KIRREL3: variants seen among roughly 807,000 people sequenced by gnomAD.
KIRREL3 encodes kin of IRRE-like protein 3.
KIRREL3 carries 36 observed loss-of-function variants against 89.7 expected under a neutral mutation model. The observed-to-expected ratio is 0.40, with a 90% CI of 0.31 to 0.53. The LOEUF is 0.53. Among genes scored for constraint, KIRREL3 ranks in the 20% least tolerant of loss-of-function variants. The pLI, the probability that KIRREL3 is intolerant of heterozygous loss-of-function variation, is 0.49. For synonymous variants in KIRREL3, 445 were observed against 441.4 expected (o/e 1.01, Z -0.10); for missense variants, 864 against 1,056.6 (o/e 0.82, Z 2.53).
chr11:126,467,341 TAC>T (rs927260652), intron 5 of KIRREL3, among the ~76,000 whole-genome samples: 1 of 152,192 alleles, frequency 6.6e-6, no homozygotes, highest in Non-Finnish European at 1.5e-5. Context: ...GGTATGGTTG[TAC>T]ACAGTGTACC....
At chr11:126,695,938 C>T (rs1947074723) in intron 1 of KIRREL3, among the ~76,000 whole-genome samples, 1 of 152,136 alleles carries the variant, frequency 6.6e-6, no homozygotes. Context: ...GACACTGCTG[C>T]CTCCTCATAT....
In KIRREL3 at chr11:126,443,435, T is replaced by C. The variant is rs1405810356; in HGVS notation, c.1252+1544A>G. ...GATCAGATGCTGTTATTTTTAGCCC[T>C]GCAGTGCCAATTTATTGGTGGCATC... On this transcript the variant is annotated intron_variant, in intron 10 of 16. Coordinates refer to ENST00000525144, the MANE Select transcript of KIRREL3 (RefSeq NM_032531.4). The surrounding 1 kb of genome is among the most constrained non-coding windows in gnomAD (Gnocchi z 7.3). 6.6e-6 allele frequency among the ~76,000 whole-genome samples: 1 copy of C among 152,178 alleles called. No homozygotes were observed. Among genetic ancestry groups the C allele is most frequent in the Non-Finnish European group, 1.5e-5 (1 of 68,032 alleles).
rs1946630081 is a variant in KIRREL3, at chr11:126,685,438, C to A, written c.56-122526G>T. Among the ~76,000 whole-genome samples, 1 of 152,206 alleles carries A rather than the reference C, an allele frequency of 6.6e-6. No individual in the cohort carries two copies. The highest frequency in any genetic ancestry group is 1.5e-5 in the Non-Finnish European group (1 of 68,044). On this transcript the variant is annotated intron_variant, in intron 1 of 16. Transcript: ENST00000525144. This position sits in a 1 kb window ranked among gnomAD's most constrained non-coding sequence, Gnocchi z 5.5. Reference sequence around the variant, plus strand: ...AGCGGGATTTCTCAGACACTGCTAACTTCCCACCTCCACACAAGCTGATGA... The same window carrying A: ...AGCGGGATTTCTCAGACACTGCTAAATTCCCACCTCCACACAAGCTGATGA...
intron 1 of KIRREL3, among the ~76,000 whole-genome samples, chr11:126,961,198 T>C (rs2135181640): frequency 6.6e-6 from 1 of 152,310 alleles, no homozygotes; most frequent in Middle Eastern, 3.4e-3. Flanking sequence ...AAGAGTCGCA[T>C]GTCTGTCCCT....
chr11:126,885,737 G>T (rs1945670328), intron 1 of KIRREL3, among the ~76,000 whole-genome samples: 1 of 152,192 alleles, frequency 6.6e-6, no homozygotes, highest in Non-Finnish European at 1.5e-5. Flanking sequence ...GAGGGCAGCA[G>T]GCTGGCTCCC....
intron 5 of KIRREL3, among the ~76,000 whole-genome samples, chr11:126,468,139 T>C (rs575684343): frequency 6.6e-6 from 1 of 152,302 alleles, no homozygotes; most frequent in African/African-American, 2.4e-5. Flanking sequence ...GGGTTCTTTC[T>C]GGGCTCAGCC....
At chr11:126,878,931 C>T (rs1347913831) in intron 1 of KIRREL3, among the ~76,000 whole-genome samples, 4 of 152,132 alleles carry the variant, frequency 2.6e-5, no homozygotes, top group African/African-American at 9.7e-5. Flanking sequence ...TGAGACATCC[C>T]TAACAGGGCT....
intron 2 of KIRREL3, among the ~76,000 whole-genome samples, chr11:126,552,631 G>A (rs189334480): frequency 3.3e-4 from 42 of 125,630 alleles, no homozygotes; most frequent in East Asian, 2.7e-3. Context: ...GCACAATCTC[G>A]GCTCACTGAA....
chr11:126,979,408 C>A (rs1949664076), intron 1 of KIRREL3, among the ~76,000 whole-genome samples: 1 of 152,162 alleles, frequency 6.6e-6, no homozygotes, highest in African/African-American at 2.4e-5. Flanking sequence ...TAACAGCTAC[C>A]TTATCAACTT....
chr11:126,451,271 C>CGTGTGCAT (rs1281335234), intron 7 of KIRREL3, among the ~76,000 whole-genome samples: 1 of 92,302 alleles, frequency 1.1e-5, no homozygotes, highest in African/African-American at 4.5e-5. Context: ...CTTGTGTGTC[C>CGTGTGCAT]GTGTGCATGT....
chr11:126,795,413 A>G lies in KIRREL3; in HGVS notation c.55+205042T>C, dbSNP rs1950776118. 6.6e-6 allele frequency among the ~76,000 whole-genome samples: 1 copy of G among 152,186 alleles called. No individual in the cohort carries two copies. The highest frequency in any genetic ancestry group is 2.4e-5 in the African/African-American group (1 of 41,446). ...GAGACAGAGTCTCAGTCTGTGACCC[A>G]GCCTGGAGTGCAGTGGCGTGATCTC... On this transcript the variant is annotated intron_variant, in intron 1 of 16. Transcript: ENST00000525144. The surrounding 1 kb of genome is among the most constrained non-coding windows in gnomAD (Gnocchi z 4.1).
chr11:126,587,859 T>C lies in KIRREL3; in HGVS notation c.56-24947A>G, dbSNP rs1355441794. ...CATCTATCTTTTCACTTCTTTTTAGTTTTCATGAGAGTGAGTGAATGCAAG... is the reference window on the plus strand; with the variant it reads ...CATCTATCTTTTCACTTCTTTTTAGCTTTCATGAGAGTGAGTGAATGCAAG... On this transcript the variant is annotated intron_variant, in intron 1 of 16. Coordinates refer to ENST00000525144, the MANE Select transcript of KIRREL3 (RefSeq NM_032531.4). This position sits in a 1 kb window ranked among gnomAD's most constrained non-coding sequence, Gnocchi z 5.2. Among the ~76,000 whole-genome samples, 1 of 152,162 alleles carries C rather than the reference T, an allele frequency of 6.6e-6. No individual in the cohort carries two copies. Among genetic ancestry groups the C allele is most frequent in the Non-Finnish European group, 1.5e-5 (1 of 68,034 alleles).
intron 1 of KIRREL3, among the ~76,000 whole-genome samples, chr11:126,988,263 A>G (rs1406238107): frequency 4.6e-5 from 7 of 152,212 alleles, no homozygotes; most frequent in Non-Finnish European, 1.0e-4. Context: ...GTTAAGCTAT[A>G]CTGGAAGTGG....
At position 126,484,845 on chromosome 11, in the gene KIRREL3, C is replaced by T. The variant is rs551988661; in HGVS notation, c.434-11379G>A. Among the ~76,000 whole-genome samples the T allele has an allele frequency of 6.8e-4, 102 of 149,232 alleles. No homozygotes were observed. The highest frequency in any genetic ancestry group is 2.3e-3 in the African/African-American group (93 of 40,516). Reference sequence around the variant, plus strand: ...TTTTTTTTTTTCTGAGACGGAGTCTCGCTCTTGTCACCCAGGCTGGAGTGC... The same window carrying T: ...TTTTTTTTTTTCTGAGACGGAGTCTTGCTCTTGTCACCCAGGCTGGAGTGC... On this transcript the variant is annotated intron_variant, in intron 4 of 16. Transcript: ENST00000525144. This position sits in a 1 kb window ranked among gnomAD's most constrained non-coding sequence, Gnocchi z 5.2.
In KIRREL3 at chr11:126,537,375, G is replaced by A. The variant is rs189626065; in HGVS notation, c.134-10688C>T. ...TGGTCTCATAGAGAAGTCATATAAAGCTTTTCAGGGGTTTAAGAGAATCTT... is the reference window on the plus strand; with the variant it reads ...TGGTCTCATAGAGAAGTCATATAAAACTTTTCAGGGGTTTAAGAGAATCTT... On this transcript the variant is annotated intron_variant, in intron 2 of 16. Coordinates refer to ENST00000525144, the MANE Select transcript of KIRREL3 (RefSeq NM_032531.4). The surrounding 1 kb of genome is among the most constrained non-coding windows in gnomAD (Gnocchi z 4.3). Among the ~76,000 whole-genome samples, 55 of 152,302 alleles carry A rather than the reference G, an allele frequency of 3.6e-4. No individual in the cohort carries two copies. The highest frequency in any genetic ancestry group is 1.3e-3 in the African/African-American group (53 of 41,564).
At position 126,612,714 on chromosome 11, in the gene KIRREL3, C is replaced by T. The variant is rs568455320; in HGVS notation, c.56-49802G>A. Among the ~76,000 whole-genome samples the T allele has an allele frequency of 6.6e-6, 1 of 152,290 alleles. No individual in the cohort carries two copies. Among genetic ancestry groups the T allele is most frequent in the Admixed American group, 6.5e-5 (1 of 15,298 alleles). ...CCACTTTCTGCCTCTGTGGATTTAC[C>T]TATACTGGACACTCCTACAACATGT... is the stretch of plus-strand genomic sequence containing the variant. On this transcript the variant is annotated intron_variant, in intron 1 of 16. Coordinates refer to ENST00000525144, the MANE Select transcript of KIRREL3 (RefSeq NM_032531.4). The surrounding 1 kb of genome is among the most constrained non-coding windows in gnomAD (Gnocchi z 4.5).
chr11:126,787,477 T>G (rs1950517972), intron 1 of KIRREL3, among the ~76,000 whole-genome samples: 1 of 152,222 alleles, frequency 6.6e-6, no homozygotes, highest in Admixed American at 6.5e-5. Flanking sequence ...TTGTTTTTCT[T>G]GACAAAGCTG....
Position 126,495,574 on chromosome 11 carries a change from G to A in KIRREL3, c.434-22108C>T, listed in dbSNP as rs563947706. 1.0e-3 allele frequency among the ~76,000 whole-genome samples: 152 copies of A among 152,248 alleles called. No homozygotes were observed. The highest frequency in any genetic ancestry group is 3.6e-3 in the African/African-American group (148 of 41,532). ...GTTTATACCTGGCCTTCCTCCTCCGGGTCTAGCGCCACCCCAGCAGCAGAT... is the reference window on the plus strand; with the variant it reads ...GTTTATACCTGGCCTTCCTCCTCCGAGTCTAGCGCCACCCCAGCAGCAGAT... On this transcript the variant is annotated intron_variant, in intron 4 of 16. Coordinates refer to ENST00000525144, the MANE Select transcript of KIRREL3 (RefSeq NM_032531.4). This position sits in a 1 kb window ranked among gnomAD's most constrained non-coding sequence, Gnocchi z 6.5.
chr11:126,672,216 T>A (rs1017214286), intron 1 of KIRREL3, among the ~76,000 whole-genome samples: 1 of 152,086 alleles, frequency 6.6e-6, no homozygotes, highest in East Asian at 1.9e-4. Flanking sequence ...GCTGGAAACA[T>A]AAAAGTTCAG....
Sources: allele counts gnomAD v4.1 joint callset (sites outside exome capture counted in the v4.1 genomes callset), GRCh38; gene constraint gnomAD v4.1.1; non-coding constraint Gnocchi (gnomAD v3.1); transcripts MANE v1.5; gene names NCBI Gene and HGNC (gene_info 2026-07-23, HGNC 2026-07-21).